The following PUDP variants were observed in gnomAD, a reference collection of about 807,000 sequenced individuals.
PUDP encodes the protein pseudouridine 5'-phosphatase.
Under a neutral mutation model 9.4 loss-of-function variants are expected in PUDP, and 8 were observed. That is an observed-to-expected ratio of 0.85 (90% CI 0.50 to 1.53). The LOEUF is 1.53. Among genes scored for constraint, PUDP ranks in the 40% most tolerant of loss-of-function variants. The pLI is 0.00. For synonymous variants in PUDP, 99 were observed against 80.7 expected, an observed-to-expected ratio of 1.23 and a Z score of -1.22; for missense variants, 188 against 189.7, an observed-to-expected ratio of 0.99 and a Z score of 0.05.
At chrX:6,714,981 G>GTA (rs1321961813) in intron 1 of PUDP, among the ~76,000 whole-genome samples, 36 of 95,836 alleles carry the variant, frequency 3.8e-4, no homozygotes, top group Admixed American at 2.4e-3. Context: ...ATGTGTGTGT[G>GTA]TATATATATA....
intron 3 of PUDP, among the ~76,000 whole-genome samples, chrX:6,835,289 T>C (rs950323972): frequency 9.0e-6 from 1 of 110,694 alleles, no homozygotes; most frequent in Non-Finnish European, 1.9e-5. Context: ...AGCTTGAAAG[T>C]GGATGCTGTC....
At chrX:7,141,695 C>T (rs187757311) in intron 1 of PUDP, among the ~76,000 whole-genome samples, 9 of 111,621 alleles carry the variant, frequency 8.1e-5, no homozygotes, top group African/African-American at 2.7e-4. Context: ...GAAAATGCCA[C>T]CCATGACGTT....
chrX:6,777,657 T>A (rs1388388460), intron 3 of PUDP, among the ~76,000 whole-genome samples: 1 of 112,224 alleles, frequency 8.9e-6, no homozygotes, highest in East Asian at 2.8e-4. Context: ...ATTGCATCCA[T>A]CTTTACAGAG....
At chrX:7,012,095 T>C (rs1929485240) in intron 1 of PUDP, among the ~76,000 whole-genome samples, 1 of 112,209 alleles carries the variant, frequency 8.9e-6, no homozygotes. Context: ...AGAGTAAAAA[T>C]TGAGTGATTC....
intron 1 of PUDP, among the ~76,000 whole-genome samples, chrX:6,979,522 C>T: frequency 8.9e-6 from 1 of 111,977 alleles, no homozygotes; most frequent in Non-Finnish European, 1.9e-5. Context: ...AATGGTTGGT[C>T]TATAGGCACA....
chrX:7,044,115 T>C (rs976942115), downstream of PUDP, among the ~76,000 whole-genome samples: 1 of 112,479 alleles, frequency 8.9e-6, no homozygotes, highest in African/African-American at 3.2e-5. Flanking sequence ...AAAGCAGCAG[T>C]TCTCAAAAAT....
chrX:6,840,651 CTG>C (rs1323326790), intron 3 of PUDP, among the ~76,000 whole-genome samples: 1 of 111,379 alleles, frequency 9.0e-6, no homozygotes, highest in African/African-American at 3.3e-5. Flanking sequence ...GGAAATTACT[CTG>C]TATGATCCTA....
chrX:7,030,080 T>A (rs905452712), intron 1 of PUDP, among the ~76,000 whole-genome samples: 8 of 98,593 alleles, frequency 8.1e-5, no homozygotes, highest in African/African-American at 2.3e-4. Context: ...GTGTATTTTT[T>A]AAAAATCATT....
intron 3 of PUDP, among the ~76,000 whole-genome samples, chrX:6,727,937 TAGG>T (rs1324580138): frequency 1.8e-5 from 2 of 111,658 alleles, no homozygotes; most frequent in Admixed American, 9.5e-5. Flanking sequence ...TGAGGTTTAT[TAGG>T]AGGTTTATTT....
rs866221068 is a variant in PUDP, at chrX:7,024,754, C to T, written c.205-46411G>A. On this transcript the variant is annotated intron_variant and NMD_transcript_variant, in intron 1 of 3. Transcript: ENST00000655425. ...GGCGCTCGCCACCTCGCCCGGCTAA[C>T]TTTTTTTTTTTTTTTTTTAGTAGAG... 2.0e-4 allele frequency among the ~76,000 whole-genome samples: 11 copies of T among 54,451 alleles called. No homozygotes were observed. The South Asian group carries it at 3.5e-3, about 17-fold the overall frequency. 47.3% of individuals were successfully genotyped at this position (54,451 alleles called of 115,157 possible). A position where few individuals can be genotyped will look rare whatever the true frequency, so the allele number is the denominator to read the frequency against.
chrX:6,917,974 TAATG>T (rs771736681), intron 3 of PUDP, among the ~76,000 whole-genome samples: 2 of 112,376 alleles, frequency 1.8e-5, no homozygotes, highest in African/African-American at 6.5e-5. Context: ...CATGCGTTCA[TAATG>T]AATGATTGCT....
At chrX:7,067,569 G>C (rs756134953) in intron 3 of PUDP, among the ~76,000 whole-genome samples, 5 of 111,848 alleles carry the variant, frequency 4.5e-5, no homozygotes, top group African/African-American at 1.6e-4. Flanking sequence ...AGGGGAGAGG[G>C]AGAGCCTGAA....
At chrX:7,113,984 C>T (rs1452337698) in intron 1 of PUDP, among the ~76,000 whole-genome samples, 1 of 111,340 alleles carries the variant, frequency 9.0e-6, no homozygotes, top group Non-Finnish European at 1.9e-5. Flanking sequence ...GGTGGGGACT[C>T]CATGGAGTCC....
At chrX:7,124,736 G>A (rs1225309665) in intron 1 of PUDP, among the ~76,000 whole-genome samples, 3 of 111,172 alleles carry the variant, frequency 2.7e-5, no homozygotes, top group Non-Finnish European at 5.7e-5. Context: ...CACGAGGTCA[G>A]GAGATCGAGA....
chrX:6,802,891 A>AATAACATAACATAAC lies in PUDP; in HGVS notation c.*248-96440_*248-96426dup, dbSNP rs200788546. On this transcript the variant is annotated intron_variant and NMD_transcript_variant, in intron 3 of 3. Coordinates refer to the PUDP transcript ENST00000655425. ...CAAGAGCGAGACTTTTTGTCTCAAA[A>AATAACATAACATAAC]ATAACATAACATAACATAACATAAC... Among the ~76,000 whole-genome samples, 22 of 16,597 alleles carry AATAACATAACATAAC rather than the reference A, an allele frequency of 1.3e-3. 1 individual carries two copies. The highest frequency in any genetic ancestry group is 2.6e-3 in the Non-Finnish European group (20 of 7,792). The allele number at this position is 16,597 out of a possible 115,157, so 14.4% of individuals were successfully genotyped here. A position where few individuals can be genotyped will look rare whatever the true frequency, so the allele number is the denominator to read the frequency against.
intron 1 of PUDP, among the ~76,000 whole-genome samples, chrX:6,714,056 T>C (rs1924566978): frequency 9.0e-6 from 1 of 110,580 alleles, no homozygotes; most frequent in Admixed American, 9.7e-5. Context: ...CATACCCGGC[T>C]AATTTTTGTA....
intron 3 of PUDP, among the ~76,000 whole-genome samples, chrX:6,869,317 G>T (rs936556529): frequency 1.2e-4 from 13 of 112,042 alleles, no homozygotes; most frequent in Non-Finnish European, 2.3e-4. Context: ...CCTGCTCCAT[G>T]ATGTCTACGG....
intron 1 of PUDP, among the ~76,000 whole-genome samples, chrX:7,114,541 C>T (rs1932144042): frequency 8.9e-6 from 1 of 111,887 alleles, no homozygotes; most frequent in Admixed American, 9.5e-5. Flanking sequence ...AATACTGCCA[C>T]ATTGGGGATT....
chrX:6,834,060 G>A (rs1371798767), intron 3 of PUDP, among the ~76,000 whole-genome samples: 1 of 111,748 alleles, frequency 8.9e-6, no homozygotes, highest in Admixed American at 9.5e-5. Context: ...TTATATAACT[G>A]TACTCCTTAA....
Sources: gnomAD v4.1 joint callset for allele counts (sites outside exome capture counted in the v4.1 genomes callset) on GRCh38, gnomAD v4.1.1 for gene constraint, MANE v1.5 for transcripts, NCBI Gene and HGNC (gene_info 2026-07-23, HGNC 2026-07-21) for gene names.